The following RIMS1 variants were observed in gnomAD, a reference collection of about 807,000 sequenced individuals.
RIMS1 encodes regulating synaptic membrane exocytosis 1.
RIMS1 carries 83 observed loss-of-function variants against 214.1 expected under a neutral mutation model. The observed-to-expected ratio is 0.39, with a 90% CI of 0.32 to 0.47. The LOEUF (loss-of-function observed/expected upper bound fraction) is 0.47. Among genes scored for constraint, RIMS1 ranks in the 20% least tolerant of loss-of-function variants. RIMS1 has a pLI of 0.99. For synonymous variants in RIMS1, 793 were observed against 786.8 expected (o/e 1.01, Z -0.13); for missense variants, 2,050 against 2,161.8 (o/e 0.95, Z 1.03).
At chr6:71,919,287 C>T (rs942185323) in intron 1 of RIMS1, among the ~76,000 whole-genome samples, 35 of 151,774 alleles carry the variant, frequency 2.3e-4, no homozygotes, top group South Asian at 1.3e-3. Flanking sequence ...TAAATGTGGA[C>T]GACTGATTAG....
In RIMS1 at chr6:72,203,836, G is replaced by GT. The variant is rs547793847; in HGVS notation, c.1678+20689dup. Among the ~76,000 whole-genome samples, 228 of 152,214 alleles carry GT rather than the reference G, an allele frequency of 1.5e-3. 3 individuals carry two copies. Among genetic ancestry groups the GT allele is most frequent in the Admixed American group, 3.3e-3 (50 of 15,300 alleles). ...CAAGCCCAGAGATTTTGATTTTAGT[G>GT]TTATGGGTTGGGGCCTGAGTATTGT... On this transcript the variant is annotated intron_variant, in intron 6 of 33. Coordinates refer to ENST00000521978, the MANE Select transcript of RIMS1 (RefSeq NM_014989.7).
At chr6:72,233,670 CTTA>C in intron 6 of RIMS1, 100 bp from the exon 7 acceptor site, 2 of 857,822 alleles carry the variant, frequency 2.3e-6, no homozygotes, top group Non-Finnish European at 3.9e-6. Context: ...CACGCTCAAG[CTTA>C]TGATATTAAA....
chr6:72,226,423 C>G (rs538597043), intron 6 of RIMS1, among the ~76,000 whole-genome samples: 291 of 152,118 alleles, frequency 1.9e-3, no homozygotes, highest in Non-Finnish European at 2.0e-3. Flanking sequence ...CTTTTCAAAG[C>G]AAACCCACAA....
intron 4 of RIMS1, 130 bp downstream of exon 4, chr6:72,100,116 C>A: frequency 1.4e-6 from 1 of 728,726 alleles, no homozygotes; most frequent in Non-Finnish European, 2.3e-6. Context: ...GAGCTCATTT[C>A]CAGCTCTCAT....
intron 29 of RIMS1, among the ~76,000 whole-genome samples, chr6:72,386,926 G>A (rs905204658): frequency 8.6e-5 from 13 of 151,784 alleles, no homozygotes; most frequent in African/African-American, 2.4e-4. Flanking sequence ...AGTAGAGACA[G>A]GGTTTCACCA....
At chr6:72,273,346 A>T (rs1334581243) in intron 22 of RIMS1, among the ~76,000 whole-genome samples, 2 of 152,126 alleles carry the variant, frequency 1.3e-5, no homozygotes, top group African/African-American at 4.8e-5. Context: ...GTCCTTTAAG[A>T]CTATCCAGTT....
rs1204243089 is a variant in RIMS1 at position 72,156,763 on chromosome 6, A to C, written c.472-22812A>C. Among the ~76,000 whole-genome samples the C allele has an allele frequency of 2.1e-5, 3 of 140,950 alleles. 1 individual carries two copies. Among genetic ancestry groups the C allele is most frequent in the Admixed American group, 1.5e-4 (2 of 13,712 alleles). 92.5% of individuals were successfully genotyped at this position (140,950 alleles called of 152,430 possible). ...GTATATCTCAAATATATATAATTTT[A>C]TTTGTCAATTACAATTAAAGCTGAG... On this transcript the variant is annotated intron_variant, in intron 4 of 33. Coordinates refer to ENST00000521978, the MANE Select transcript of RIMS1 (RefSeq NM_014989.7).
intron 23 of RIMS1, among the ~76,000 whole-genome samples, chr6:72,278,660 T>C (rs1321528358): frequency 1.3e-5 from 2 of 152,110 alleles, no homozygotes; most frequent in Non-Finnish European, 2.9e-5. Flanking sequence ...TCAAAAATAC[T>C]CTTTCTTTGA....
intron 2 of RIMS1, among the ~76,000 whole-genome samples, chr6:71,976,216 G>T (rs1797099213): frequency 6.6e-6 from 1 of 151,998 alleles, no homozygotes; most frequent in Non-Finnish European, 1.5e-5. Context: ...GTTAACACTT[G>T]TTATTGTCTG....
intron 2 of RIMS1, among the ~76,000 whole-genome samples, chr6:72,042,011 T>C (rs1207032381): frequency 6.6e-6 from 1 of 151,946 alleles, no homozygotes; most frequent in African/African-American, 2.4e-5. Context: ...AGGAAAATTT[T>C]ATTTACATTT....
chr6:72,131,719 GCAACTGGTCTGAC>G (rs1224878139), intron 4 of RIMS1, among the ~76,000 whole-genome samples: 1 of 152,260 alleles, frequency 6.6e-6, no homozygotes, highest in East Asian at 1.9e-4. Context: ...GGCTTTGAGA[GCAACTGGTCTGAC>G]CAAAATTTAT....
chr6:72,129,988 T>C (rs1218590537), intron 4 of RIMS1, among the ~76,000 whole-genome samples: 5 of 152,194 alleles, frequency 3.3e-5, no homozygotes, highest in African/African-American at 1.2e-4. Context: ...ACCTACATTA[T>C]TTCAGGATAA....
chr6:72,317,295 G>A, intron 28 of RIMS1: 1 of 286,088 alleles, frequency 3.5e-6, no homozygotes, highest in South Asian at 4.7e-5. Flanking sequence ...AGTTCTGCCA[G>A]CACCTGCACA....
chr6:72,328,113 A>AT (rs146516490), intron 28 of RIMS1, among the ~76,000 whole-genome samples: 6,751 of 152,052 alleles, frequency 0.044, 194 homozygotes, highest in South Asian at 0.072. Context: ...ACACCATGGA[A>AT]TACTATGCAG....
intron 1 of RIMS1, among the ~76,000 whole-genome samples, chr6:71,890,918 T>A (rs1769641114): frequency 6.6e-6 from 1 of 152,174 alleles, no homozygotes; most frequent in South Asian, 2.1e-4. Context: ...CTGACTCACA[T>A]AACATGGTCC....
chr6:72,398,419 G>T, intron 32 of RIMS1, 69 bp downstream of exon 32: 2 of 899,632 alleles, frequency 2.2e-6, no homozygotes, highest in Non-Finnish European at 1.7e-6. Flanking sequence ...AACATTTGCT[G>T]CATTTGAATT....
Position 72,220,264 on chromosome 6 carries a change from C to A in RIMS1, c.1679-13509C>A, listed in dbSNP as rs1196397415. 2.6e-5 allele frequency among the ~76,000 whole-genome samples: 4 copies of A among 152,196 alleles called. No individual in the cohort carries two copies. In the East Asian group the frequency reaches 7.7e-4, roughly 29 times the overall value. ...TCAGGGTCACTCATTCCTTTAGTCC[C>A]TTTAACCATTTGTTCTTAACTTGGA... is the stretch of plus-strand genomic sequence containing the variant. On this transcript the variant is annotated intron_variant, in intron 6 of 33. Coordinates refer to ENST00000521978, the MANE Select transcript of RIMS1 (RefSeq NM_014989.7).
intron 2 of RIMS1, among the ~76,000 whole-genome samples, chr6:72,026,164 C>G (rs979690498): frequency 2.6e-5 from 4 of 152,128 alleles, no homozygotes; most frequent in African/African-American, 9.7e-5. Flanking sequence ...CAGTGGCTAT[C>G]TTGGAGGTTG....
chr6:72,300,202 T>C (rs1026071666), intron 26 of RIMS1, among the ~76,000 whole-genome samples: 1 of 151,910 alleles, frequency 6.6e-6, no homozygotes, highest in South Asian at 2.1e-4. Flanking sequence ...GACCCTGTTT[T>C]CCCATTTGGT....
Sources: gnomAD v4.1 joint callset for allele counts (sites outside exome capture counted in the v4.1 genomes callset) on GRCh38, gnomAD v4.1.1 for gene constraint, MANE v1.5 for transcripts, NCBI Gene and HGNC (gene_info 2026-07-23, HGNC 2026-07-21) for gene names.